The following MRPL34 variants were observed in gnomAD, a reference collection of about 807,000 sequenced individuals.
MRPL34 encodes the protein large ribosomal subunit protein bL34m.
Under a neutral mutation model 6.7 loss-of-function variants are expected in MRPL34, and 8 were observed. The ratio of observed to expected loss-of-function variants is 1.20; its 90% CI spans 0.70 to 2.16. The LOEUF (loss-of-function observed/expected upper bound fraction) is 2.16, where lower values mean the gene tolerates loss of function less well. Ranked by LOEUF, MRPL34 falls within the 30% of genes most tolerant of loss-of-function variation. The pLI, the probability that MRPL34 is intolerant of heterozygous loss-of-function variation, is 0.00. For missense variants in MRPL34, 146 were observed against 125.5 expected, an observed-to-expected ratio of 1.16 and a Z score of -0.78; for synonymous variants, 59 against 55.1, an observed-to-expected ratio of 1.07 and a Z score of -0.31.
upstream of MRPL34, among the ~76,000 whole-genome samples, chr19:17,304,323 G>T (rs1323341911): frequency 6.6e-6 from 1 of 152,172 alleles, no homozygotes; most frequent in Non-Finnish European, 1.5e-5. Context: ...CCTCGGGCAA[G>T]TTACTTCACT....
At chr19:17,306,082 C>T in intron 1 of MRPL34, 84 bp from the exon 2 acceptor site, 1 of 1,509,234 alleles carries the variant, frequency 6.6e-7, no homozygotes. Context: ...GCTCTGTCTC[C>T]GGGAGCCGAG....
At chr19:17,302,351 CCATTCAGGTATACACTAACTCATT>C (rs923788932), upstream of MRPL34, 3 of 146,252 alleles carry the variant, frequency 2.1e-5, no homozygotes, top group African/African-American at 7.3e-5. Context: ...ACTAACTCAT[CCATTCAGGTATACACTAACTCATT>C]CATTCAGGTA....
chr19:17,299,438 G>A, upstream of MRPL34, among the ~76,000 whole-genome samples: 1 of 151,614 alleles, frequency 6.6e-6, no homozygotes, highest in Non-Finnish European at 1.5e-5. Context: ...GCGGGTGCCT[G>A]TAGTCCCAGC....
chr19:17,300,183 C>A (rs544229927), upstream of MRPL34, among the ~76,000 whole-genome samples: 2 of 151,768 alleles, frequency 1.3e-5, no homozygotes, highest in Non-Finnish European at 2.9e-5. Flanking sequence ...GGATTACAGG[C>A]GTGAGCCACC....
upstream of MRPL34, among the ~76,000 whole-genome samples, chr19:17,300,019 C>T (rs2074110495): frequency 6.6e-6 from 1 of 151,760 alleles, no homozygotes; most frequent in South Asian, 2.1e-4. Flanking sequence ...ATTCTCCTGC[C>T]TCAGCCTCCC....
chr19:17,294,177 G>T (rs1005800092), intron 1 of MRPL34: 8 of 1,345,902 alleles, frequency 5.9e-6, no homozygotes, highest in African/African-American at 1.5e-5. Context: ...ACGCCCCCTC[G>T]GGAAGAAAGC....
At chr19:17,305,997 A>C in intron 1 of MRPL34, 40 bp downstream of exon 1, 1 of 1,610,886 alleles carries the variant, frequency 6.2e-7, no homozygotes, top group Non-Finnish European at 8.5e-7. Flanking sequence ...TCAGGGAATA[A>C]GGGCGGCTTC....
intron 1 of MRPL34, chr19:17,294,618 G>A (rs1187874612): frequency 1.2e-6 from 2 of 1,607,770 alleles, no homozygotes; most frequent in Non-Finnish European, 1.7e-6. Context: ...TCCAACTCGA[G>A]CAGATGCCTG....
intron 1 of MRPL34, among the ~76,000 whole-genome samples, chr19:17,297,240 A>T (rs1160483832): frequency 6.6e-6 from 1 of 151,950 alleles, no homozygotes; most frequent in Non-Finnish European, 1.5e-5. Flanking sequence ...AAATGTGCTG[A>T]CCTAATAGCA....
upstream of MRPL34, chr19:17,305,719 G>A (rs2074142679): frequency 2.8e-6 from 2 of 704,366 alleles, no homozygotes; most frequent in Non-Finnish European, 2.5e-6. Context: ...CGCGGATATA[G>A]ACTGGCGCGC....
chr19:17,292,818 G>A, exon 1 of MRPL34: 1 of 1,612,500 alleles, frequency 6.2e-7, no homozygotes, highest in Non-Finnish European at 8.5e-7. Flanking sequence ...CTTCAGGAAT[G>A]CCAGGAGCAG....
upstream of MRPL34, chr19:17,301,737 C>T: frequency 2.3e-6 from 3 of 1,278,426 alleles, no homozygotes; most frequent in Non-Finnish European, 3.1e-6. Flanking sequence ...GTTTGGGGAG[C>T]GCCAGATCAA....
intron 1 of MRPL34, among the ~76,000 whole-genome samples, chr19:17,293,245 G>A (rs1176660181): frequency 1.3e-5 from 2 of 151,586 alleles, no homozygotes; most frequent in African/African-American, 4.9e-5. Flanking sequence ...ACAGGCACGC[G>A]CCACTACACC....
At chr19:17,300,773 C>T, upstream of MRPL34, 1 of 1,485,592 alleles carries the variant, frequency 6.7e-7, no homozygotes, top group Non-Finnish European at 9.0e-7. Flanking sequence ...CCACGGGGCT[C>T]AGCCAAAAAC....
chr19:17,299,336 C>T (rs760404186), upstream of MRPL34, among the ~76,000 whole-genome samples: 7 of 149,368 alleles, frequency 4.7e-5, no homozygotes, highest in Admixed American at 1.3e-4. Flanking sequence ...CCGAGGAGGG[C>T]GAATCACGAG....
chr19:17,301,757 G>C, upstream of MRPL34: 1 of 1,072,292 alleles, frequency 9.3e-7, no homozygotes. Flanking sequence ...AGTGAGCCAC[G>C]GCACTGAGAT....
intron 1 of MRPL34, among the ~76,000 whole-genome samples, chr19:17,295,120 A>T (rs1319226173): frequency 2.0e-5 from 1 of 51,038 alleles, no homozygotes; most frequent in African/African-American, 1.0e-4. Flanking sequence ...TTTTTTTGAG[A>T]CGGAGTCTCG....
At position 17,306,214 on chromosome 19, in the gene MRPL34, C is replaced by T. The variant is rs757972073; in HGVS notation, c.114C>T (p.Leu38=). 3.2e-6 allele frequency: 5 copies of T among 1,560,042 alleles called. No homozygotes were observed. The South Asian group carries it at 4.7e-5, about 15-fold the overall frequency. ...AWLGFPDAWG[L]PTPQQARGKA... ...TGGGGTTCCCAGACGCCTGGGGCCT[C>T]CCCACCCCGCAGCAGGCCCGGGGCA... Residue 38 remains leucine, a synonymous_variant, in exon 2 of 2, where the codon CTC becomes CTT. Transcript: ENST00000252602.
chr19:17,296,966 A>G (rs2074096636), intron 1 of MRPL34, among the ~76,000 whole-genome samples: 1 of 152,180 alleles, frequency 6.6e-6, no homozygotes, highest in Non-Finnish European at 1.5e-5. Context: ...AAGTGCTGGG[A>G]TTAGAGGCGT....
Sources: allele counts gnomAD v4.1 joint callset (sites outside exome capture counted in the v4.1 genomes callset), GRCh38; gene constraint gnomAD v4.1.1; transcripts MANE v1.5; gene names NCBI Gene and HGNC (gene_info 2026-07-23, HGNC 2026-07-21).